The following PITPNM1 variants were observed in gnomAD, a reference collection of about 807,000 sequenced individuals.
PITPNM1 encodes phosphatidylinositol transfer protein membrane associated 1, also known as membrane-associated phosphatidylinositol transfer protein 1.
PITPNM1 carries 74 observed loss-of-function variants against 133.3 expected under a neutral mutation model. The ratio of observed to expected loss-of-function variants is 0.56; its 90% CI spans 0.46 to 0.67. The LOEUF (loss-of-function observed/expected upper bound fraction) is 0.67, where lower values mean the gene tolerates loss of function less well. PITPNM1 is among the 30% of genes least tolerant of loss of function. The probability of loss-of-function intolerance (pLI) is 0.00; values close to 1 mark genes in which losing one functional copy is unlikely to be tolerated. For missense variants in PITPNM1, 1,398 were observed against 1,739.5 expected, an observed-to-expected ratio of 0.80 and a Z score of 3.49; for synonymous variants, 738 against 741.4, an observed-to-expected ratio of 1.00 and a Z score of 0.08.
Position 67,497,567 on chromosome 11 carries a change from A to G in PITPNM1, c.1895T>C (p.Ile632Thr). ...CTCAGGACTGGCCATGTCGCTGGGGATGCGCTGGGGAGGCAAGGCCGAGGG... is the reference window on the plus strand; with the variant it reads ...CTCAGGACTGGCCATGTCGCTGGGGGTGCGCTGGGGAGGCAAGGCCGAGGG... Reference protein sequence around the residue: ...PEPSALPPQRIPSDMASPEPE... With the variant: ...PEPSALPPQRTPSDMASPEPE... The change falls in exon 13 of 24, where the codon ATC becomes ACC. Residue 632 changes from isoleucine to threonine, a missense_variant. This residue lies in a region of PITPNM1 where 574 missense variants were observed against 698.7 expected (regional missense o/e 0.82). Coordinates refer to ENST00000356404, the MANE Select transcript of PITPNM1 (RefSeq NM_004910.3). 1 of 1,608,998 alleles carries G rather than the reference A, an allele frequency of 6.2e-7. No individual in the cohort carries two copies. Among genetic ancestry groups the G allele is most frequent in the Non-Finnish European group, 8.5e-7 (1 of 1,178,756 alleles).
Position 67,493,933 on chromosome 11 carries a change from G to A in PITPNM1, c.2997C>T (p.Arg999=). 6.4e-7 allele frequency: 1 copy of A among 1,574,456 alleles called. No homozygotes were observed. Among genetic ancestry groups the A allele is most frequent in the Non-Finnish European group, 8.6e-7 (1 of 1,159,274 alleles). Residue 999 remains arginine, a synonymous_variant, in exon 20 of 24, where the codon CGC becomes CGT. Coordinates refer to ENST00000356404, the MANE Select transcript of PITPNM1 (RefSeq NM_004910.3). Reference sequence around the variant, plus strand: ...CCAGCCGCGCTCACCTGACCACCATGCGCACGGGGTAGACACCAATGCCCA... The same window carrying A: ...CCAGCCGCGCTCACCTGACCACCATACGCACGGGGTAGACACCAATGCCCA... ...RALGIGVYPV[R]MVVRGDHTYA...
chr11:67,499,879 A>T (rs372358787), intron 7 of PITPNM1, 35 bp downstream of exon 7: 18 of 1,599,206 alleles, frequency 1.1e-5, no homozygotes, highest in Non-Finnish European at 1.5e-5. Context: ...CTGCTCGGGG[A>T]CATCCCCACT....
At position 67,495,536 on chromosome 11, in the gene PITPNM1, G is replaced by A; in HGVS notation, c.2384C>T (p.Pro795Leu). 1.9e-6 allele frequency: 3 copies of A among 1,589,450 alleles called. No homozygotes were observed. Among genetic ancestry groups the A allele is most frequent in the South Asian group, 2.3e-5 (2 of 87,632 alleles). Residue 795 changes from proline to leucine, a missense_variant, in exon 16 of 24, where the codon CCC becomes CTC. Transcript: ENST00000356404. ...EELEMLVPST[P>L]TSTSGAFWKG... ...CCAGAAGGCACCGCTAGTAGAGGTG[G>A]GTGTTGAGGGCACCAGCATCTCCAG... is the stretch of plus-strand genomic sequence containing the variant.
Position 67,497,295 on chromosome 11 carries a change from G to T in PITPNM1, c.2082C>A (p.Phe694Leu). The T allele has an allele frequency of 6.2e-7, 1 of 1,612,622 alleles. No individual in the cohort carries two copies. The highest frequency in any genetic ancestry group is 8.5e-7 in the Non-Finnish European group (1 of 1,179,676). The change falls in exon 14 of 24, where the codon TTC becomes TTA. Residue 694 changes from phenylalanine (F) to leucine (L), a missense_variant. By Grantham distance (22) the Phe-to-Leu change is conservative (BLOSUM62 0). Around this residue, in one of 5 missense-constraint regions of PITPNM1, gnomAD observed 574 missense variants for 698.7 expected, o/e 0.82. Coordinates refer to ENST00000356404, the MANE Select transcript of PITPNM1 (RefSeq NM_004910.3). ...ARLDFKVSGF[F>L]LFGSPLGLVL... ...CCAGGCCCAGTGGGGAGCCGAAGAG[G>T]AAGAAGCCAGAGACCTTGAAGTCAA...
chr11:67,497,746 G>A (rs542185377), intron 12 of PITPNM1, 67 bp from the exon 13 acceptor site: 3 of 1,585,142 alleles, frequency 1.9e-6, no homozygotes, highest in South Asian at 1.1e-5. Flanking sequence ...TTACTTAGAA[G>A]TGAGGAGCGA....
intron 17 of PITPNM1, 60 bp from the exon 18 acceptor site, chr11:67,495,016 CG>C (rs1404486382): frequency 1.2e-6 from 2 of 1,602,860 alleles, no homozygotes; most frequent in African/African-American, 1.3e-5. Context: ...GCCCCTCCCC[CG>C]GCCCAAAGCA....
chr11:67,503,531 G>A (rs916462989), intron 2 of PITPNM1, among the ~76,000 whole-genome samples: 3 of 152,200 alleles, frequency 2.0e-5, no homozygotes, highest in African/African-American at 7.2e-5. Context: ...AGCCCGAGGC[G>A]GGGTCCGGGC....
chr11:67,494,176 A>T, intron 19 of PITPNM1, 68 bp downstream of exon 19: 1 of 1,581,012 alleles, frequency 6.3e-7, no homozygotes, highest in South Asian at 1.1e-5. Flanking sequence ...ACCACCAGGG[A>T]CCAGGAGCTG....
At chr11:67,495,371 G>T in intron 16 of PITPNM1, 67 bp downstream of exon 16, 1 of 1,456,008 alleles carries the variant, frequency 6.9e-7, no homozygotes, top group East Asian at 2.5e-5. Flanking sequence ...TTTCTCAGCT[G>T]GGCTTCGGAG....
chr11:67,492,586 C>T (rs1865967566), intron 23 of PITPNM1, among the ~76,000 whole-genome samples: 1 of 152,274 alleles, frequency 6.6e-6, no homozygotes, highest in Non-Finnish European at 1.5e-5. Flanking sequence ...TTGTGCCCAG[C>T]CCTGTGCCTG....
In PITPNM1 at chr11:67,497,545, A is replaced by G. The variant is rs1409196481; in HGVS notation, c.1917T>C (p.Pro639=). 4.3e-6 allele frequency: 7 copies of G among 1,609,610 alleles called. No homozygotes were observed. Among genetic ancestry groups the G allele is most frequent in the Non-Finnish European group, 5.9e-6 (7 of 1,178,774 alleles). The part of the protein sequence containing the change: ...PQRIPSDMAS[P]EPEGSQNSLQ... ...ACCTGTTCTGAGAGCCCTCGGGCTC[A>G]GGACTGGCCATGTCGCTGGGGATGC... The change falls in exon 13 of 24, where the codon CCT becomes CCC. Residue 639 remains proline, a synonymous_variant. Transcript: ENST00000356404.
upstream of PITPNM1, among the ~76,000 whole-genome samples, chr11:67,506,005 A>G (rs545681522): frequency 8.5e-5 from 13 of 152,292 alleles, no homozygotes; most frequent in African/African-American, 3.1e-4. Flanking sequence ...CCAGCCTGCT[A>G]CAAGGTGCTG....
At chr11:67,494,430 G>T in intron 18 of PITPNM1, 70 bp from the exon 19 acceptor site, 1 of 1,109,090 alleles carries the variant, frequency 9.0e-7, no homozygotes, top group Non-Finnish European at 1.3e-6. Context: ...GGGAGCGGGT[G>T]AGGATCCACA....
Position 67,497,695 on chromosome 11 carries a change from G to A in PITPNM1, c.1783-16C>T, listed in dbSNP as rs1591059302. On this transcript the variant is annotated splice_polypyrimidine_tract_variant and intron_variant, in intron 12 of 23. Coordinates refer to ENST00000356404, the MANE Select transcript of PITPNM1 (RefSeq NM_004910.3). ...GCTCATTGTTCTGGATGGAACAGGA[G>A]ACAGAAACATTCTTAGGCCTGGGGA... is the stretch of plus-strand genomic sequence containing the variant. The A allele has an allele frequency of 3.1e-6, 5 of 1,607,512 alleles. No homozygotes were observed. The East Asian group carries it at 8.9e-5, about 29-fold the overall frequency.
At chr11:67,505,386 C>T, upstream of PITPNM1, 1 of 152,152 alleles carries the variant, frequency 6.6e-6, no homozygotes, top group East Asian at 1.9e-4. The surrounding 1 kb of genome is among the most constrained non-coding windows in gnomAD (Gnocchi z 5.8). Context: ...CGACGCCCGC[C>T]GCGTCACTGC....
Position 67,495,592 on chromosome 11 carries a change from CAG to C in PITPNM1, c.2326_2327del (p.Leu776AlafsTer23), listed in dbSNP as rs763961947. The C allele has an allele frequency of 1.9e-6, 3 of 1,571,510 alleles. No homozygotes were observed. The Admixed American group carries it at 6.2e-5, about 32-fold the overall frequency. The part of the protein sequence containing the change: ...DGSSLLLADT[L>X]QTHSSLFLEE... Reference sequence around the variant, plus strand: ...CCAGAAAGAGGCTGGAGTGCGTCTGCAGAGTGTCGGCTGGGGGAAGGAGGGCA... The same window carrying C: ...CCAGAAAGAGGCTGGAGTGCGTCTGCAGTGTCGGCTGGGGGAAGGAGGGCA... On this transcript the variant is annotated frameshift_variant, in exon 16 of 24. Coordinates refer to ENST00000356404, the MANE Select transcript of PITPNM1 (RefSeq NM_004910.3). LOFTEE classifies it high-confidence loss of function.
intron 2 of PITPNM1, among the ~76,000 whole-genome samples, chr11:67,503,074 A>G (rs1866386891): frequency 6.6e-6 from 1 of 152,230 alleles, no homozygotes; most frequent in African/African-American, 2.4e-5. Context: ...AAAAGGAAAA[A>G]GCAAATTATG....
At position 67,498,658 on chromosome 11, in the gene PITPNM1, G is replaced by A. The variant is rs770727795; in HGVS notation, c.1422C>T (p.His474=). The change falls in exon 10 of 24, where the codon CAC becomes CAT. Residue 474 remains histidine (H), a synonymous_variant. Coordinates refer to ENST00000356404, the MANE Select transcript of PITPNM1 (RefSeq NM_004910.3). This position sits in a 1 kb window ranked among gnomAD's most constrained non-coding sequence, Gnocchi z 5.7. The part of the protein sequence containing the change: ...TRIHFPEALG[H]VALRLVPCPP... ...GACAGGGCACCAGTCGCAGCGCCAC[G>A]TGGCCCAAGGCCTCAGGGAAGTGGA... is the stretch of plus-strand genomic sequence containing the variant. 2.6e-5 allele frequency: 41 copies of A among 1,600,784 alleles called. 1 individual carries two copies. The South Asian group carries it at 3.6e-4, about 14-fold the overall frequency.
rs1161150416 is a variant in PITPNM1 at position 67,497,276 on chromosome 11, C to T, written c.2101G>A (p.Gly701Ser). The change falls in exon 14 of 24, where the codon GGC becomes AGC. Residue 701 changes from glycine (G) to serine (S), a missense_variant. Gly to Ser is a moderately conservative substitution (Grantham distance 56, BLOSUM62 0). Coordinates refer to ENST00000356404, the MANE Select transcript of PITPNM1 (RefSeq NM_004910.3). The stretch of plus-strand genomic sequence containing the variant: ...GTTTTGCGCAGAGCCAGCACCAGGC[C>T]CAGTGGGGAGCCGAAGAGGAAGAAG... ...SGFFLFGSPLGLVLALRKTVM... is the reference protein window; with the variant it reads ...SGFFLFGSPLSLVLALRKTVM... The T allele has an allele frequency of 2.5e-6, 4 of 1,612,342 alleles. No homozygotes were observed. Among genetic ancestry groups the T allele is most frequent in the Non-Finnish European group, 3.4e-6 (4 of 1,179,560 alleles).
Sources: allele counts gnomAD v4.1 joint callset (sites outside exome capture counted in the v4.1 genomes callset), GRCh38; gene constraint gnomAD v4.1.1; regional missense constraint gnomAD v4.1.1; non-coding constraint Gnocchi (gnomAD v3.1); transcripts MANE v1.5; gene names NCBI Gene and HGNC (gene_info 2026-07-23, HGNC 2026-07-21).